CRKL: variants seen among roughly 807,000 people sequenced by gnomAD.
The protein encoded by CRKL is crk-like protein.
In CRKL, 3 loss-of-function variants were observed where a neutral mutation model predicts 23.0. That is an observed-to-expected ratio of 0.13 (90% confidence interval 0.06 to 0.34). The LOEUF (loss-of-function observed/expected upper bound fraction) is 0.34, where lower values mean the gene tolerates loss of function less well. Among genes scored for constraint, CRKL ranks in the 10% least tolerant of loss-of-function variants. The pLI is 1.00. For missense variants in CRKL, 256 were observed against 394.5 expected (o/e 0.65, Z 2.97); for synonymous variants, 188 against 160.7 (o/e 1.17, Z -1.28).
chr22:20,924,766 G>C lies in CRKL; in HGVS notation c.311+6521G>C, dbSNP rs376933711. ...AAGGCAGGAGAATCACTTGAACCTG[G>C]GGGGTGGAAGTTAAAGTGAGTCGAG... On this transcript the variant is annotated intron_variant, in intron 1 of 2. Coordinates refer to ENST00000354336, the MANE Select transcript of CRKL (RefSeq NM_005207.4). Among the ~76,000 whole-genome samples, 56 of 152,296 alleles carry C rather than the reference G, an allele frequency of 3.7e-4. 1 individual carries two copies. The highest frequency in any genetic ancestry group is 1.3e-3 in the African/African-American group (55 of 41,576).
intron 1 of CRKL, among the ~76,000 whole-genome samples, chr22:20,921,864 A>G (rs532518602): frequency 6.6e-6 from 1 of 151,208 alleles, no homozygotes; most frequent in South Asian, 2.1e-4. Flanking sequence ...GCCTGCAACC[A>G]TGCCGGGCAA....
chr22:20,950,991 A>G lies in CRKL; in HGVS notation c.*1146A>G, dbSNP rs1479242004. 4.3e-6 allele frequency: 1 copy of G among 232,588 alleles called. No homozygotes were observed. Among genetic ancestry groups the G allele is most frequent in the Non-Finnish European group, 8.5e-6 (1 of 117,720 alleles). The allele number at this position is 232,588 out of a possible 1,614,324, so 14.4% of individuals were successfully genotyped here. Reference sequence around the variant, plus strand: ...TTTAAAAAGCATCAGAGTTGGGGGTACTTTAGGGAAACCTTTGCTTACCTT... The same window carrying G: ...TTTAAAAAGCATCAGAGTTGGGGGTGCTTTAGGGAAACCTTTGCTTACCTT... On this transcript the variant is annotated 3_prime_UTR_variant, in exon 3 of 3. Coordinates refer to ENST00000354336, the MANE Select transcript of CRKL (RefSeq NM_005207.4).
Position 20,936,004 on chromosome 22 carries a change from C to A in CRKL, c.777+1760C>A, listed in dbSNP as rs1278229963. ...GAAACCCCATCTCTACCAAAAAATA[C>A]AAAAATGAGCCAGACGTGGTGGGCA... On this transcript the variant is annotated intron_variant, in intron 2 of 2. Coordinates refer to ENST00000354336, the MANE Select transcript of CRKL (RefSeq NM_005207.4). 3.9e-5 allele frequency among the ~76,000 whole-genome samples: 6 copies of A among 152,076 alleles called. No individual in the cohort carries two copies. The East Asian group carries it at 1.2e-3, about 29-fold the overall frequency.
intron 2 of CRKL, among the ~76,000 whole-genome samples, chr22:20,934,786 G>C (rs1389808952): frequency 6.8e-6 from 1 of 147,858 alleles, no homozygotes; most frequent in Non-Finnish European, 1.5e-5. Context: ...AATTTCTCTT[G>C]AGCTTGGTAG....
intron 1 of CRKL, among the ~76,000 whole-genome samples, chr22:20,921,325 A>T (rs1228592407): frequency 6.6e-6 from 1 of 152,202 alleles, no homozygotes; most frequent in Admixed American, 6.5e-5. Flanking sequence ...TATCCTTTTC[A>T]TTAGAATGCT....
intron 2 of CRKL, among the ~76,000 whole-genome samples, chr22:20,945,531 G>A (rs951941570): frequency 6.6e-6 from 1 of 151,990 alleles, no homozygotes; most frequent in Non-Finnish European, 1.5e-5. Flanking sequence ...CCAGTAAACA[G>A]CCCTCTTGAA....
intron 2 of CRKL, among the ~76,000 whole-genome samples, chr22:20,939,872 T>A (rs1408273404): frequency 6.7e-6 from 1 of 148,694 alleles, no homozygotes; most frequent in Non-Finnish European, 1.5e-5. Flanking sequence ...CACTGCACCC[T>A]CTACCTCCCA....
At chr22:20,936,472 C>T (rs191832498) in intron 2 of CRKL, among the ~76,000 whole-genome samples, 7 of 152,094 alleles carry the variant, frequency 4.6e-5, no homozygotes, top group South Asian at 4.2e-4. Context: ...CCTCAGCCTC[C>T]GGAGTAGCTG....
rs149255174 is a variant in CRKL, at chr22:20,925,852, G to C, written c.311+7607G>C. On this transcript the variant is annotated intron_variant, in intron 1 of 2. Coordinates refer to ENST00000354336, the MANE Select transcript of CRKL (RefSeq NM_005207.4). Reference sequence around the variant, plus strand: ...CAAAAAAGGAGGGAAATAGGAAAGGGAAGTTCTTTGATATATAGAGGCCTA... The same window carrying C: ...CAAAAAAGGAGGGAAATAGGAAAGGCAAGTTCTTTGATATATAGAGGCCTA... 1.6e-4 allele frequency among the ~76,000 whole-genome samples: 25 copies of C among 152,326 alleles called. No homozygotes were observed. The East Asian group carries it at 4.6e-3, about 28-fold the overall frequency.
At position 20,921,155 on chromosome 22, in the gene CRKL, A is replaced by G. The variant is rs1019692352; in HGVS notation, c.311+2910A>G. 3.3e-5 allele frequency among the ~76,000 whole-genome samples: 5 copies of G among 152,364 alleles called. No individual in the cohort carries two copies. The East Asian group carries it at 7.7e-4, about 23-fold the overall frequency. ...TGCTTCTTCGCATCCCAAACAGGGT[A>G]CATTTAGTGGCTTAACTTTGCAGGC... On this transcript the variant is annotated intron_variant, in intron 1 of 2. Transcript: ENST00000354336.
chr22:20,945,283 G>A (rs1386628581), intron 2 of CRKL, among the ~76,000 whole-genome samples: 1 of 152,100 alleles, frequency 6.6e-6, no homozygotes, highest in Non-Finnish European at 1.5e-5. Flanking sequence ...ATGAGCCACC[G>A]CACCCGGCTT....
chr22:20,947,790 C>T (rs906274570), intron 2 of CRKL, among the ~76,000 whole-genome samples: 2 of 145,342 alleles, frequency 1.4e-5, no homozygotes, highest in African/African-American at 5.1e-5. Context: ...TGCGCTTAAA[C>T]GATCTTCGCA....
At chr22:20,927,748 C>T (rs1033380342) in intron 1 of CRKL, among the ~76,000 whole-genome samples, 14 of 135,610 alleles carry the variant, frequency 1.0e-4, no homozygotes, top group Non-Finnish European at 1.7e-4. Context: ...GACGCTGAGG[C>T]AGGATAATTG....
intron 2 of CRKL, among the ~76,000 whole-genome samples, chr22:20,936,847 G>A (rs1334702607): frequency 2.0e-5 from 3 of 151,734 alleles, no homozygotes; most frequent in Non-Finnish European, 2.9e-5. Flanking sequence ...GGCTGAGCAG[G>A]CCTTCCAGCT....
intron 1 of CRKL, among the ~76,000 whole-genome samples, chr22:20,930,177 C>T (rs998459453): frequency 2.0e-5 from 3 of 152,072 alleles, no homozygotes; most frequent in African/African-American, 7.2e-5. Context: ...ATACCCCTCA[C>T]CAGGGAAGCA....
chr22:20,929,209 G>T (rs752956461), intron 1 of CRKL, among the ~76,000 whole-genome samples: 9 of 152,134 alleles, frequency 5.9e-5, no homozygotes, highest in Admixed American at 1.3e-4. Flanking sequence ...CTGTTACCCA[G>T]ACTGGAGTGC....
Position 20,923,639 on chromosome 22 carries a change from A to G in CRKL, c.311+5394A>G, listed in dbSNP as rs148122738. On this transcript the variant is annotated intron_variant, in intron 1 of 2. Coordinates refer to ENST00000354336, the MANE Select transcript of CRKL (RefSeq NM_005207.4). The stretch of plus-strand genomic sequence containing the variant: ...TGCCAGGCTGGAGTGTGGTGGTGCA[A>G]TCTTGGCTCACTGCAACCTCCACCT... Among the ~76,000 whole-genome samples, 355 of 144,698 alleles carry G rather than the reference A, an allele frequency of 2.5e-3. 4 individuals carry two copies. The East Asian group carries it at 0.055, about 22-fold the overall frequency. 94.9% of individuals were successfully genotyped at this position (144,698 alleles called of 152,430 possible). A position where few individuals can be genotyped will look rare whatever the true frequency, so the allele number is the denominator to read the frequency against.
chr22:20,950,149 C>A lies in CRKL; in HGVS notation c.*304C>A. ...AAAGGGTCTTCCTTCTCATTGCTGCCCGTTTGTACATGGGACTGATTCTGT... is the reference window on the plus strand; with the variant it reads ...AAAGGGTCTTCCTTCTCATTGCTGCACGTTTGTACATGGGACTGATTCTGT... On this transcript the variant is annotated 3_prime_UTR_variant, in exon 3 of 3. Coordinates refer to ENST00000354336, the MANE Select transcript of CRKL (RefSeq NM_005207.4). 2.8e-6 allele frequency: 1 copy of A among 360,342 alleles called. No individual in the cohort carries two copies. Among genetic ancestry groups the A allele is most frequent in the Non-Finnish European group, 5.0e-6 (1 of 200,476 alleles). 22.3% of individuals were successfully genotyped at this position (360,342 alleles called of 1,614,324 possible).
chr22:20,930,350 A>T (rs1324217096), intron 1 of CRKL, among the ~76,000 whole-genome samples: 2 of 152,170 alleles, frequency 1.3e-5, no homozygotes, highest in Admixed American at 6.6e-5. Context: ...GTCATAGACA[A>T]TACGTAAATG....
Sources: gnomAD v4.1 joint callset for allele counts (sites outside exome capture counted in the v4.1 genomes callset) on GRCh38, gnomAD v4.1.1 for gene constraint, MANE v1.5 for transcripts, NCBI Gene and HGNC (gene_info 2026-07-23, HGNC 2026-07-21) for gene names.